ACBD5: variants seen among roughly 807,000 people sequenced by gnomAD.
ACBD5 encodes the protein acyl-CoA-binding domain-containing protein 5.
Under a neutral mutation model 71.8 loss-of-function variants are expected in ACBD5, and 40 were observed. The observed-to-expected ratio is 0.56, with a 90% confidence interval of 0.43 to 0.72. The LOEUF (loss-of-function observed/expected upper bound fraction) is 0.72, where lower values mean the gene tolerates loss of function less well. Ranked by LOEUF, ACBD5 falls within the 30% of genes least tolerant of loss-of-function variation. The pLI is 0.00. For synonymous variants in ACBD5, 229 were observed against 218.6 expected, an observed-to-expected ratio of 1.05 and a Z score of -0.42; for missense variants, 559 against 644.5, an observed-to-expected ratio of 0.87 and a Z score of 1.44.
chr10:27,231,652 C>T (rs2063879805), intron 4 of ACBD5, 96 bp downstream of exon 4: 2 of 1,021,060 alleles, frequency 2.0e-6, no homozygotes, highest in Non-Finnish European at 3.1e-6. Flanking sequence ...TAACATACTA[C>T]AATCTCCTTA....
At chr10:27,228,821 T>A (rs1302956561) in intron 4 of ACBD5, among the ~76,000 whole-genome samples, 581 of 12,400 alleles carry the variant, frequency 0.047, 2 homozygotes, top group East Asian at 0.12. Context: ...ATATATTTTT[T>A]TTTTTTTTTT....
chr10:27,197,685 G>T (rs185562053), intron 12 of ACBD5, among the ~76,000 whole-genome samples: 3 of 152,124 alleles, frequency 2.0e-5, no homozygotes, highest in Admixed American at 2.0e-4. Context: ...TTGCTCTGTC[G>T]TCCAGGCTGG....
chr10:27,220,233 CAAT>C lies in ACBD5; in HGVS notation c.491-379_491-377del, dbSNP rs551138268. On this transcript the variant is annotated intron_variant, in intron 5 of 12. Transcript: ENST00000396271. ...TTTTTGGTTCTACCAACAATCTCAT[CAAT>C]ATTACAGTTGGGGTCCATTTTACAA... The C allele has an allele frequency of 1.7e-3, 261 of 157,766 alleles. 4 individuals are homozygous for C. Among genetic ancestry groups the C allele is most frequent in the African/African-American group, 6.0e-3 (251 of 41,634 alleles). The allele number at this position is 157,766 out of a possible 1,614,324, so 9.8% of individuals were successfully genotyped here. A position where few individuals can be genotyped will look rare whatever the true frequency, so the allele number is the denominator to read the frequency against.
At chr10:27,221,331 C>T (rs1377967216) in intron 5 of ACBD5, among the ~76,000 whole-genome samples, 6 of 152,190 alleles carry the variant, frequency 3.9e-5, no homozygotes, top group African/African-American at 1.4e-4. Context: ...AAAATACCCT[C>T]GTTTTACTTC....
intron 11 of ACBD5, 103 bp downstream of exon 11, chr10:27,205,095 C>T (rs1234038792): frequency 8.5e-7 from 1 of 1,173,902 alleles, no homozygotes. Context: ...CCACTGCACT[C>T]CAGCCTGGGC....
chr10:27,215,946 C>T lies in ACBD5; in HGVS notation c.830-305G>A, dbSNP rs1045944861. On this transcript the variant is annotated intron_variant, in intron 7 of 12. Transcript: ENST00000396271. ...CTGGAGTGCAGTGGTGCGATCTCGG[C>T]TCACAGCAACCTCCGCCTCCCGGAT... Among the ~76,000 whole-genome samples, 3 of 152,088 alleles carry T rather than the reference C, an allele frequency of 2.0e-5. No individual in the cohort carries two copies. The East Asian group carries it at 5.8e-4, about 30-fold the overall frequency.
intron 3 of ACBD5, among the ~76,000 whole-genome samples, chr10:27,234,445 GT>G (rs889361541): frequency 7.2e-6 from 1 of 138,448 alleles, no homozygotes; most frequent in African/African-American, 2.6e-5. Context: ...AAAAGAGGCA[GT>G]TAAAAGTTTG....
At chr10:27,198,801 C>T (rs1349074240) in intron 12 of ACBD5, among the ~76,000 whole-genome samples, 6 of 152,162 alleles carry the variant, frequency 3.9e-5, no homozygotes, top group Non-Finnish European at 8.8e-5. Flanking sequence ...TACACACAAT[C>T]CTTTGCAGAT....
downstream of ACBD5, among the ~76,000 whole-genome samples, chr10:27,192,745 G>A (rs1588895552): frequency 1.3e-5 from 2 of 152,172 alleles, no homozygotes; most frequent in African/African-American, 4.8e-5. Flanking sequence ...GCCGAGGCGG[G>A]TGGATCACGA....
At chr10:27,188,892 T>A (rs882475) in intron 13 of ACBD5, among the ~76,000 whole-genome samples, 13 of 151,980 alleles carry the variant, frequency 8.6e-5, no homozygotes, top group Admixed American at 2.0e-4. Flanking sequence ...AGAAATCCAC[T>A]CATCTTTTGC....
intron 12 of ACBD5, among the ~76,000 whole-genome samples, chr10:27,200,131 G>T (rs2059765956): frequency 6.6e-6 from 1 of 152,166 alleles, no homozygotes; most frequent in South Asian, 2.1e-4. Flanking sequence ...CTCAGGTTAA[G>T]CCATTCTAAG....
At chr10:27,208,184 G>T in intron 10 of ACBD5, 62 bp downstream of exon 10, 1 of 1,491,212 alleles carries the variant, frequency 6.7e-7, no homozygotes, top group Non-Finnish European at 9.4e-7. Context: ...GATCAACGCA[G>T]ACTCCACATT....
chr10:27,209,713 T>C (rs1038231124), intron 9 of ACBD5, among the ~76,000 whole-genome samples: 4 of 152,226 alleles, frequency 2.6e-5, no homozygotes, highest in African/African-American at 9.6e-5. Flanking sequence ...TATATATTCA[T>C]CCATTCTTTT....
At chr10:27,232,331 T>G (rs1398915755) in intron 3 of ACBD5, 4 of 151,068 alleles carry the variant, frequency 2.6e-5, no homozygotes, top group Admixed American at 6.6e-5. Flanking sequence ...ATGGGTTTTT[T>G]TTTTTTTTTT....
At chr10:27,240,806 G>C, upstream of ACBD5, 1 of 1,452,160 alleles carries the variant, frequency 6.9e-7, no homozygotes, top group Non-Finnish European at 9.4e-7. The surrounding 1 kb of genome is among the most constrained non-coding windows in gnomAD (Gnocchi z 4.1). Flanking sequence ...CTGTCAGTCC[G>C]TGCCCTCCCC....
Position 27,240,354 on chromosome 10 carries a change from G to A in ACBD5, c.146C>T (p.Ala49Val). 2.5e-6 allele frequency: 4 copies of A among 1,613,992 alleles called. No individual in the cohort carries two copies. Among genetic ancestry groups the A allele is most frequent in the South Asian group, 1.1e-5 (1 of 91,076 alleles). Reference protein sequence around the residue: ...TRSVHETRFEAAVKVIQSLPK... With the variant: ...TRSVHETRFEVAVKVIQSLPK... Reference sequence around the variant, plus strand: ...CAAACTCTGGATCACCTTCACGGCCGCCTCAAACCTAGTCTCGTGCACGGA... The same window carrying A: ...CAAACTCTGGATCACCTTCACGGCCACCTCAAACCTAGTCTCGTGCACGGA... Residue 49 changes from alanine (A) to valine (V), a missense_variant, in exon 2 of 13, where the codon GCG (alanine) becomes GTG (valine). Coordinates refer to ENST00000396271, the MANE Select transcript of ACBD5 (RefSeq NM_145698.5). The surrounding 1 kb of genome is among the most constrained non-coding windows in gnomAD (Gnocchi z 4.1).
intron 4 of ACBD5, among the ~76,000 whole-genome samples, chr10:27,230,402 T>C (rs2063696980): frequency 6.6e-6 from 1 of 152,178 alleles, no homozygotes; most frequent in African/African-American, 2.4e-5. Flanking sequence ...AAACTATTCC[T>C]TTTTACAGAT....
At chr10:27,215,002 G>GA (rs2061471129) in intron 8 of ACBD5, among the ~76,000 whole-genome samples, 1 of 152,016 alleles carries the variant, frequency 6.6e-6, no homozygotes, top group East Asian at 1.9e-4. Context: ...TGTCTCTACT[G>GA]AAAATACAAA....
intron 5 of ACBD5, among the ~76,000 whole-genome samples, chr10:27,222,798 T>A (rs949541485): frequency 6.6e-6 from 1 of 152,188 alleles, no homozygotes; most frequent in Non-Finnish European, 1.5e-5. Context: ...CTTGAACTCC[T>A]GACCTCAAGG....
Sources: gnomAD v4.1 joint callset for allele counts (sites outside exome capture counted in the v4.1 genomes callset) on GRCh38, gnomAD v4.1.1 for gene constraint, Gnocchi (gnomAD v3.1) non-coding constraint, MANE v1.5 for transcripts, NCBI Gene and HGNC (gene_info 2026-07-23, HGNC 2026-07-21) for gene names.